The following NLGN4Y variants were observed in gnomAD, a reference collection of about 807,000 sequenced individuals.
NLGN4Y encodes neuroligin 4 Y-linked, also known as neuroligin-4, Y-linked.
NLGN4Y carries 4 observed loss-of-function variants against 8.4 expected under a neutral mutation model. The ratio of observed to expected loss-of-function variants is 0.48; its 90% confidence interval spans 0.23 to 1.09. NLGN4Y has a LOEUF of 1.09. Among genes scored for constraint, NLGN4Y ranks in the 50% least tolerant of loss-of-function variants. The pLI is 0.19. For missense variants in NLGN4Y, 90 were observed against 192.3 expected (o/e 0.47, Z 3.15); for synonymous variants, 35 against 75.6 (o/e 0.46, Z 2.78).
At chrY:14,580,755 A>T in intron 1 of NLGN4Y, among the ~76,000 whole-genome samples, 1 of 29,075 alleles carries the variant, frequency 3.4e-5, no homozygotes, top group Non-Finnish European at 8.1e-5. Flanking sequence ...AAAAATCTGT[A>T]TCTGGGCACA....
chrY:14,588,899 G>T, intron 1 of NLGN4Y, among the ~76,000 whole-genome samples: 1 of 32,237 alleles, frequency 3.1e-5, no homozygotes, highest in South Asian at 7.7e-4. Flanking sequence ...CAGCTCTTAA[G>T]ATAGTGCATC....
At chrY:14,712,984 C>T in intron 2 of NLGN4Y, among the ~76,000 whole-genome samples, 3 of 33,196 alleles carry the variant, frequency 9.0e-5, no homozygotes, top group Non-Finnish European at 2.2e-4. Context: ...ATAAAATAAT[C>T]AATCACACCC....
chrY:14,567,494 C>T, intron 1 of NLGN4Y, among the ~76,000 whole-genome samples: 1 of 28,940 alleles, frequency 3.5e-5, no homozygotes. Context: ...CCAAAGTGCT[C>T]GGATTACAAG....
chrY:14,627,008 C>A, intron 2 of NLGN4Y, among the ~76,000 whole-genome samples: 1 of 5,854 alleles, frequency 1.7e-4, no homozygotes, highest in Admixed American at 2.1e-3. Context: ...CACATTGAAA[C>A]CCCGTTTCTA....
intron 2 of NLGN4Y, among the ~76,000 whole-genome samples, chrY:14,694,186 G>T (rs2080820404): frequency 3.0e-5 from 1 of 33,821 alleles, no homozygotes; most frequent in African/African-American, 1.2e-4. Flanking sequence ...ATGATGCATG[G>T]TGACTGCTAT....
At chrY:14,702,440 G>A (rs2150544947) in intron 2 of NLGN4Y, among the ~76,000 whole-genome samples, 2 of 31,964 alleles carry the variant, frequency 6.3e-5, no homozygotes, top group East Asian at 8.5e-4. Flanking sequence ...GCGATAGTTT[G>A]CTGAGAATGA....
intron 4 of NLGN4Y, among the ~76,000 whole-genome samples, chrY:14,748,932 GAAAGAAAA>G (rs2081033376): frequency 4.6e-4 from 3 of 6,553 alleles, no homozygotes; most frequent in African/African-American, 2.4e-3. Context: ...AAGAAAGAAA[GAAAGAAAA>G]AAAGAAAAAG....
chrY:14,796,854 T>G (rs2043013945), intron 4 of NLGN4Y, among the ~76,000 whole-genome samples: 1 of 33,136 alleles, frequency 3.0e-5, no homozygotes, highest in Non-Finnish European at 7.4e-5. Flanking sequence ...GCTATTGGGA[T>G]TTTCACATCA....
At chrY:14,774,231 C>T (rs968050587) in intron 4 of NLGN4Y, among the ~76,000 whole-genome samples, 2 of 33,120 alleles carry the variant, frequency 6.0e-5, no homozygotes, top group East Asian at 8.0e-4. Flanking sequence ...ACCTACAGAA[C>T]GGGAGAACAA....
At chrY:14,709,442 G>T in intron 2 of NLGN4Y, among the ~76,000 whole-genome samples, 1 of 33,701 alleles carries the variant, frequency 3.0e-5, no homozygotes, top group Non-Finnish European at 7.3e-5. Context: ...GCCAGTCACT[G>T]TGGCTCACAC....
intron 4 of NLGN4Y, among the ~76,000 whole-genome samples, chrY:14,754,512 A>T: frequency 3.0e-5 from 1 of 33,811 alleles, no homozygotes; most frequent in Non-Finnish European, 7.3e-5. Flanking sequence ...ATTTTTGAAA[A>T]TGCCAAGGAA....
At chrY:14,642,293 T>C (rs2080593674) in intron 2 of NLGN4Y, among the ~76,000 whole-genome samples, 1 of 33,617 alleles carries the variant, frequency 3.0e-5, no homozygotes, top group African/African-American at 1.2e-4. Context: ...AGATTCCCAA[T>C]AAGCAAAAAC....
chrY:14,582,743 C>A, intron 1 of NLGN4Y, among the ~76,000 whole-genome samples: 2 of 34,076 alleles, frequency 5.9e-5, no homozygotes, highest in Non-Finnish European at 1.5e-4. Flanking sequence ...ATATTGAAAC[C>A]AGTTGTTGGA....
chrY:14,556,477 A>T, intron 1 of NLGN4Y, among the ~76,000 whole-genome samples: 2 of 33,176 alleles, frequency 6.0e-5, no homozygotes, highest in Non-Finnish European at 1.5e-4. Flanking sequence ...AAGTTACTAC[A>T]GACCTAGTGG....
intron 1 of NLGN4Y, among the ~76,000 whole-genome samples, chrY:14,595,012 C>T: frequency 6.0e-5 from 2 of 33,151 alleles, no homozygotes; most frequent in East Asian, 8.0e-4. Flanking sequence ...CAGCTAAAGC[C>T]GCATTCTTTT....
At chrY:14,607,974 GA>G (rs2080453099) in intron 1 of NLGN4Y, among the ~76,000 whole-genome samples, 1 of 34,323 alleles carries the variant, frequency 2.9e-5, no homozygotes, top group East Asian at 7.6e-4. Flanking sequence ...AATGACCAGT[GA>G]TGATAAGCTT....
chrY:14,788,030 G>A (rs2042973285), intron 4 of NLGN4Y, among the ~76,000 whole-genome samples: 1 of 33,558 alleles, frequency 3.0e-5, no homozygotes, highest in East Asian at 7.8e-4. Flanking sequence ...TAGAAGGCAA[G>A]TTTACCACTC....
At chrY:14,736,221 AT>A (rs2080991286) in intron 4 of NLGN4Y, among the ~76,000 whole-genome samples, 1 of 33,460 alleles carries the variant, frequency 3.0e-5, no homozygotes, top group African/African-American at 1.2e-4. Context: ...AAAGAAGATT[AT>A]TTTAGAGCTT....
chrY:14,838,282 T>C, intron 6 of NLGN4Y, among the ~76,000 whole-genome samples: 1 of 33,317 alleles, frequency 3.0e-5, no homozygotes, highest in Non-Finnish European at 7.4e-5. Flanking sequence ...TTCAAACTTA[T>C]GTGATTTTAT....
Sources: gnomAD v4.1 joint callset for allele counts (sites outside exome capture counted in the v4.1 genomes callset) on GRCh38, gnomAD v4.1.1 for gene constraint, MANE v1.5 for transcripts, NCBI Gene and HGNC (gene_info 2026-07-23, HGNC 2026-07-21) for gene names.